Variants in SP140 observed in about 807,000 individuals in gnomAD.
The protein encoded by SP140 is SP140 nuclear body protein.
In SP140, 81 loss-of-function variants were observed where a neutral mutation model predicts 125.0. That is an observed-to-expected ratio of 0.65 (90% confidence interval 0.54 to 0.78). The LOEUF (loss-of-function observed/expected upper bound fraction) is 0.78, where lower values mean the gene tolerates loss of function less well. SP140 is among the 30% of genes least tolerant of loss of function. SP140 has a pLI of 0.00. For synonymous variants in SP140, 312 were observed against 354.0 expected, an observed-to-expected ratio of 0.88 and a Z score of 1.33; for missense variants, 858 against 1,037.0, an observed-to-expected ratio of 0.83 and a Z score of 2.37.
intron 12 of SP140, 77 bp downstream of exon 12, chr2:230,255,609 A>C: frequency 7.3e-7 from 1 of 1,367,574 alleles, no homozygotes; most frequent in South Asian, 1.2e-5. Context: ...GTGTTTCCTG[A>C]TTGACTTTCC....
chr2:230,206,610 T>G (rs1351404760), intron 1 of SP140, among the ~76,000 whole-genome samples: 2 of 62,168 alleles, frequency 3.2e-5, no homozygotes, highest in Admixed American at 1.6e-4. Context: ...TATATATATA[T>G]ATATATATAT....
intron 10 of SP140, 84 bp from the exon 11 acceptor site, chr2:230,253,231 CA>C: frequency 1.1e-6 from 1 of 926,676 alleles, no homozygotes; most frequent in Non-Finnish European, 1.8e-6. Flanking sequence ...CGGAACAAGA[CA>C]GGGGTGGCTC....
chr2:230,245,581 G>A (rs936955896), intron 6 of SP140, among the ~76,000 whole-genome samples: 2 of 152,162 alleles, frequency 1.3e-5, no homozygotes, highest in African/African-American at 2.4e-5. Context: ...GTAGAAGTCA[G>A]GGAGAGGAAG....
intron 5 of SP140, among the ~76,000 whole-genome samples, 162 bp downstream of exon 5, chr2:230,243,973 T>TTA (rs975721343): frequency 4.6e-5 from 7 of 152,210 alleles, no homozygotes; most frequent in African/African-American, 1.7e-4. Context: ...TAAGTGTATG[T>TTA]TATAGTAGAA....
At chr2:230,289,389 A>G (rs1313368905) in intron 18 of SP140, among the ~76,000 whole-genome samples, 1 of 152,182 alleles carries the variant, frequency 6.6e-6, no homozygotes, top group Non-Finnish European at 1.5e-5. Flanking sequence ...ATAGACTGCA[A>G]AAATTTTCTT....
At chr2:230,251,148 C>A in intron 10 of SP140, 87 bp downstream of exon 10, 1 of 1,077,300 alleles carries the variant, frequency 9.3e-7, no homozygotes, top group South Asian at 1.3e-5. Flanking sequence ...GTCTTTCCTC[C>A]AAGTATACTT....
chr2:230,242,087 G>A (rs1455791101), intron 4 of SP140, among the ~76,000 whole-genome samples: 2 of 152,062 alleles, frequency 1.3e-5, no homozygotes, highest in Non-Finnish European at 2.9e-5. Context: ...GGAAAGAGAG[G>A]AAGTATAAGA....
chr2:230,265,723 G>T lies in SP140; in HGVS notation c.1241-3809G>T, dbSNP rs570915993. Among the ~76,000 whole-genome samples, 25 of 152,172 alleles carry T rather than the reference G, an allele frequency of 1.6e-4. No homozygotes were observed. The South Asian group carries it at 5.2e-3, about 32-fold the overall frequency. On this transcript the variant is annotated intron_variant, in intron 12 of 26. Coordinates refer to ENST00000392045, the MANE Select transcript of SP140 (RefSeq NM_007237.5). ...AAACAGACCTTCAGCTTCTCCAGTG[G>T]GGGTGTGTGTTCGGGAGAGGAGGGT... is the stretch of plus-strand genomic sequence containing the variant.
At chr2:230,212,627 A>G in intron 1 of SP140, 1 of 1,258,466 alleles carries the variant, frequency 7.9e-7, no homozygotes, top group Non-Finnish European at 1.2e-6. Flanking sequence ...CCTCTTGAAA[A>G]GGGTTGTGTT....
Position 230,297,452 on chromosome 2 carries a change from T to C in SP140, c.2048T>C (p.Val683Ala). The C allele has an allele frequency of 4.3e-6, 7 of 1,613,948 alleles. No individual in the cohort carries two copies. The highest frequency in any genetic ancestry group is 5.9e-6 in the Non-Finnish European group (7 of 1,179,782). ...CTGAAGTCTCAAAACAATAGCTCAG[T>C]TGACCCTTGTGTAAGTACAAATTCT... ...RILKSQNNSS[V>A]DPCMRNLDEC... Residue 683 changes from valine to alanine, a missense_variant, in exon 22 of 27, where the codon GTT (valine) becomes GCT (alanine). Around this residue, in one of 4 missense-constraint regions of SP140, gnomAD observed 791 missense variants for 869.5 expected, o/e 0.91. Coordinates refer to ENST00000392045, the MANE Select transcript of SP140 (RefSeq NM_007237.5).
intron 15 of SP140, among the ~76,000 whole-genome samples, chr2:230,272,883 C>G (rs144837805): frequency 6.6e-6 from 1 of 152,126 alleles, no homozygotes; most frequent in Admixed American, 6.5e-5. Context: ...GGATAATCAG[C>G]TAGCCATATA....
At chr2:230,275,770 G>T (rs2054624792) in intron 15 of SP140, among the ~76,000 whole-genome samples, 1 of 152,178 alleles carries the variant, frequency 6.6e-6, no homozygotes, top group African/African-American at 2.4e-5. Context: ...GCCTGTTGCA[G>T]CAAACAATCA....
upstream of SP140, among the ~76,000 whole-genome samples, chr2:230,199,758 T>A (rs1457455490): frequency 6.6e-6 from 1 of 152,164 alleles, no homozygotes; most frequent in Non-Finnish European, 1.5e-5. Flanking sequence ...ATTTCCATTA[T>A]CCATAGGATC....
chr2:230,211,552 C>T lies in SP140; in HGVS notation c.-322-2102C>T, dbSNP rs376677600. The T allele has an allele frequency of 1.8e-5, 29 of 1,596,524 alleles. No individual in the cohort carries two copies. In the Admixed American group the frequency reaches 3.7e-4, roughly 20 times the overall value. On this transcript the variant is annotated intron_variant, in intron 1 of 4. Transcript: ENST00000456542. This position sits in a 1 kb window ranked among gnomAD's most constrained non-coding sequence, Gnocchi z 4.2. Reference sequence around the variant, plus strand: ...TTTGGGGGATCAGGTTGTCACTGGCCACTGAATGGAGGAAGAAAAAGTTTT... The same window carrying T: ...TTTGGGGGATCAGGTTGTCACTGGCTACTGAATGGAGGAAGAAAAAGTTTT...
At chr2:230,269,103 A>C (rs756087321) in intron 12 of SP140, among the ~76,000 whole-genome samples, 3 of 152,156 alleles carry the variant, frequency 2.0e-5, no homozygotes, top group Non-Finnish European at 4.4e-5. Flanking sequence ...CCATCAATGC[A>C]GGCTTTGTGG....
intron 1 of SP140, among the ~76,000 whole-genome samples, chr2:230,235,868 G>GTTTTTTTT (rs984054259): frequency 1.4e-4 from 11 of 77,972 alleles, no homozygotes; most frequent in Admixed American, 3.4e-4. Flanking sequence ...TCTTGTGACT[G>GTTTTTTTT]TTTTTTTTTT....
At chr2:230,234,795 G>A (rs1181300305) in intron 1 of SP140, 1 of 151,986 alleles carries the variant, frequency 6.6e-6, no homozygotes, top group South Asian at 2.1e-4. Context: ...TTTCTGCATG[G>A]AATTTTTGGT....
the SP140 span, among the ~76,000 whole-genome samples, chr2:230,196,296 A>G: frequency 4.6e-5 from 7 of 152,204 alleles, no homozygotes; most frequent in African/African-American, 1.7e-4. Flanking sequence ...ATAAGAAATA[A>G]ACTGTCCACT....
chr2:230,221,264 G>C (rs2045794427), upstream of SP140, among the ~76,000 whole-genome samples: 1 of 146,196 alleles, frequency 6.8e-6, no homozygotes, highest in Admixed American at 6.9e-5. Context: ...CTGGGTGACA[G>C]AGCAAGACTC....
Sources: gnomAD v4.1 joint callset for allele counts (sites outside exome capture counted in the v4.1 genomes callset) on GRCh38, gnomAD v4.1.1 for gene constraint, gnomAD v4.1.1 regional missense constraint, Gnocchi (gnomAD v3.1) non-coding constraint, MANE v1.5 for transcripts, NCBI Gene and HGNC (gene_info 2026-07-23, HGNC 2026-07-21) for gene names.